Variants in CDH13 observed in about 807,000 individuals in gnomAD.
The protein encoded by CDH13 is cadherin-13.
A neutral mutation model predicts 63.8 loss-of-function variants in CDH13; 24 were observed. The ratio of observed to expected loss-of-function variants is 0.38; its 90% confidence interval spans 0.27 to 0.53. The LOEUF is 0.53. Among genes scored for constraint, CDH13 ranks in the 20% least tolerant of loss-of-function variants. The pLI, the probability that CDH13 is intolerant of heterozygous loss-of-function variation, is 0.85. For missense variants in CDH13, 1,049 were observed against 903.1 expected (o/e 1.16, Z -2.07); for synonymous variants, 503 against 355.3 (o/e 1.42, Z -4.67).
intron 7 of CDH13, among the ~76,000 whole-genome samples, chr16:83,540,897 T>C (rs2150649616): frequency 6.6e-6 from 1 of 152,364 alleles, no homozygotes; most frequent in Middle Eastern, 3.4e-3. Context: ...CCCAAAGTGC[T>C]GGGATTATAG....
chr16:83,603,906 C>G (rs572235376), intron 8 of CDH13, among the ~76,000 whole-genome samples: 9 of 152,234 alleles, frequency 5.9e-5, no homozygotes, highest in African/African-American at 1.9e-4. Flanking sequence ...GCCAGCACAT[C>G]TTCACATGGA....
chr16:83,588,838 G>T (rs1906431554), intron 7 of CDH13, among the ~76,000 whole-genome samples: 1 of 152,232 alleles, frequency 6.6e-6, no homozygotes, highest in African/African-American at 2.4e-5. Context: ...GAAGCTGGCA[G>T]GTGGGCGAGG....
chr16:83,385,243 C>A (rs182998361), intron 6 of CDH13, among the ~76,000 whole-genome samples: 1 of 152,260 alleles, frequency 6.6e-6, no homozygotes, highest in African/African-American at 2.4e-5. Context: ...TAAATAGTAC[C>A]AGTTTTTGTA....
At chr16:83,043,504 T>C (rs1190407934) in intron 3 of CDH13, among the ~76,000 whole-genome samples, 4 of 151,126 alleles carry the variant, frequency 2.6e-5, no homozygotes, top group Middle Eastern at 3.5e-3. Context: ...TGTGTGTGTG[T>C]GTGTGTGTGT....
intron 6 of CDH13, among the ~76,000 whole-genome samples, chr16:83,418,053 A>G (rs1332143357): frequency 6.6e-6 from 1 of 152,128 alleles, no homozygotes; most frequent in African/African-American, 2.4e-5. Flanking sequence ...CTCCTTTTTA[A>G]TCATGCAGTA....
chr16:83,519,563 A>G (rs984200440), intron 7 of CDH13, among the ~76,000 whole-genome samples: 1 of 152,268 alleles, frequency 6.6e-6, no homozygotes, highest in African/African-American at 2.4e-5. Flanking sequence ...AGACTAATCC[A>G]GTTATAAGTT....
At chr16:83,732,099 T>A (rs1026729063) in intron 10 of CDH13, among the ~76,000 whole-genome samples, 2 of 152,312 alleles carry the variant, frequency 1.3e-5, no homozygotes, top group East Asian at 1.9e-4. Context: ...GCCCTGAGGA[T>A]AGCAGTGAAC....
At chr16:82,822,794 C>G (rs1439000717) in intron 1 of CDH13, among the ~76,000 whole-genome samples, 1 of 152,230 alleles carries the variant, frequency 6.6e-6, no homozygotes, top group Non-Finnish European at 1.5e-5. Flanking sequence ...CATGCCCAGT[C>G]TATCTACTTA....
chr16:82,797,473 C>T (rs546095982), intron 1 of CDH13, among the ~76,000 whole-genome samples: 1 of 152,284 alleles, frequency 6.6e-6, no homozygotes, highest in South Asian at 2.1e-4. Context: ...CTCAAGACCC[C>T]AGCAAGCTTC....
intron 1 of CDH13, among the ~76,000 whole-genome samples, chr16:82,671,348 C>G (rs16958095): frequency 0.15 from 23,358 of 152,118 alleles, 2,060 homozygotes; most frequent in East Asian, 0.34. Context: ...TACACTGTTA[C>G]GAGGTGGCAG....
rs1372183782 is a variant in CDH13, at chr16:82,708,235, C to G, written c.45+81098C>G. Among the ~76,000 whole-genome samples the G allele has an allele frequency of 2.6e-5, 4 of 152,176 alleles. No homozygotes were observed. The East Asian group carries it at 7.7e-4, about 29-fold the overall frequency. On this transcript the variant is annotated intron_variant, in intron 1 of 13. Coordinates refer to ENST00000567109, the MANE Select transcript of CDH13 (RefSeq NM_001257.5). ...ATGCCACATACAGCTGTGAGTGACG[C>G]TGCGAAATCTAGCTGGCTGGCTTTG...
chr16:82,660,398 C>G (rs957141801), intron 1 of CDH13, among the ~76,000 whole-genome samples: 1 of 152,118 alleles, frequency 6.6e-6, no homozygotes, highest in Non-Finnish European at 1.5e-5. Context: ...AAACAGCCAT[C>G]TGCTGAAACC....
At chr16:82,818,960 C>G (rs2037864131) in intron 1 of CDH13, among the ~76,000 whole-genome samples, 1 of 152,156 alleles carries the variant, frequency 6.6e-6, no homozygotes, top group Non-Finnish European at 1.5e-5. Context: ...TTTTGAGGAT[C>G]AGTAATCATA....
rs191333126 is a variant in CDH13 at position 83,356,002 on chromosome 16, G to A, written c.781+10996G>A. On this transcript the variant is annotated intron_variant, in intron 6 of 13. Transcript: ENST00000567109. ...CTCAGGGAGGTTAGGTGACTCCGCCGTGGTCACACAGCTGGTGGGTGATGA... is the reference window on the plus strand; with the variant it reads ...CTCAGGGAGGTTAGGTGACTCCGCCATGGTCACACAGCTGGTGGGTGATGA... Among the ~76,000 whole-genome samples, 31 of 152,288 alleles carry A rather than the reference G, an allele frequency of 2.0e-4. No homozygotes were observed. In the East Asian group the frequency reaches 5.0e-3, roughly 25 times the overall value.
intron 2 of CDH13, among the ~76,000 whole-genome samples, chr16:82,883,406 C>T (rs565001325): frequency 2.6e-5 from 4 of 152,186 alleles, no homozygotes; most frequent in East Asian, 1.9e-4. Context: ...CCTGGGGGAA[C>T]GTGTGCAAAT....
At chr16:83,580,876 G>T (rs1905531741) in intron 7 of CDH13, among the ~76,000 whole-genome samples, 1 of 152,134 alleles carries the variant, frequency 6.6e-6, no homozygotes, top group East Asian at 1.9e-4. Context: ...ATTGTAAGTA[G>T]AAAGTTGAGA....
At chr16:83,113,691 C>T (rs570718530) in intron 3 of CDH13, among the ~76,000 whole-genome samples, 13 of 151,970 alleles carry the variant, frequency 8.6e-5, no homozygotes, top group Non-Finnish European at 1.8e-4. Flanking sequence ...AGAAGTGGTG[C>T]TTGAGTGGAG....
chr16:83,000,574 C>CTTT (rs561787532), intron 2 of CDH13, among the ~76,000 whole-genome samples: 34 of 127,742 alleles, frequency 2.7e-4, no homozygotes, highest in Admixed American at 6.4e-4. Flanking sequence ...TTTCTTTTCT[C>CTTT]TTTTTTTTTT....
At chr16:82,654,425 C>G (rs1274811924) in intron 1 of CDH13, among the ~76,000 whole-genome samples, 1 of 152,154 alleles carries the variant, frequency 6.6e-6, no homozygotes, top group Admixed American at 6.5e-5. Context: ...GAAAACTTCT[C>G]TTGGTTCTCA....
Sources: allele counts gnomAD v4.1 joint callset (sites outside exome capture counted in the v4.1 genomes callset), GRCh38; gene constraint gnomAD v4.1.1; transcripts MANE v1.5; gene names NCBI Gene and HGNC (gene_info 2026-07-23, HGNC 2026-07-21).